The following KBTBD11 variants were observed in gnomAD, a reference collection of about 807,000 sequenced individuals.
The protein encoded by KBTBD11 is kelch repeat and BTB domain-containing protein 11.
For missense variants in KBTBD11, 1,390 were observed against 1,001.8 expected (o/e 1.39, Z -5.23); for synonymous variants, 747 against 499.0 (o/e 1.50, Z -6.63).
At chr8:1,988,201 T>A (rs1372549034) in intron 1 of KBTBD11, among the ~76,000 whole-genome samples, 1 of 152,232 alleles carries the variant, frequency 6.6e-6, no homozygotes, top group African/African-American at 2.4e-5. Context: ...TACGTGTGCA[T>A]GTGTCTTTAT....
intron 1 of KBTBD11, among the ~76,000 whole-genome samples, chr8:1,997,611 C>T (rs962768284): frequency 2.0e-5 from 3 of 152,210 alleles, no homozygotes; most frequent in East Asian, 1.9e-4. Context: ...GGAGGGCTCC[C>T]GAGCCCCTGA....
At chr8:1,975,872 A>T (rs150653570) in intron 1 of KBTBD11, 1 of 152,198 alleles carries the variant, frequency 6.6e-6, no homozygotes, top group Non-Finnish European at 1.5e-5. Context: ...ACCCGCTTCA[A>T]TGGGGTTTCC....
rs1438388784 is a variant in KBTBD11, at chr8:2,001,886, A to G, written c.694A>G (p.Ser232Gly). 3 of 1,389,738 alleles carry G rather than the reference A, an allele frequency of 2.2e-6. No individual in the cohort carries two copies. The highest frequency in any genetic ancestry group is 2.8e-6 in the Non-Finnish European group (3 of 1,061,456). 86.1% of individuals were successfully genotyped at this position (1,389,738 alleles called of 1,614,324 possible). A position where few individuals can be genotyped will look rare whatever the true frequency, so the allele number is the denominator to read the frequency against. The change falls in exon 2 of 2, where the codon AGC (serine) becomes GGC (glycine). Residue 232 changes from serine to glycine, a missense_variant. Coordinates refer to ENST00000320248, the MANE Select transcript of KBTBD11 (RefSeq NM_014867.3). Reference sequence around the variant, plus strand: ...CACCGACGCCGTGGGGCCGCAGCTGAGCCTGGCCAACTGCTACGAGGTCCT... The same window carrying G: ...CACCGACGCCGTGGGGCCGCAGCTGGGCCTGGCCAACTGCTACGAGGTCCT... Reference protein sequence around the residue: ...RATDAVGPQLSLANCYEVLSA... With the variant: ...RATDAVGPQLGLANCYEVLSA...
intron 1 of KBTBD11, 91 bp downstream of exon 1, chr8:1,974,026 A>T: frequency 1.2e-6 from 1 of 858,730 alleles, no homozygotes; most frequent in Non-Finnish European, 1.4e-6. Flanking sequence ...GGCGGGTGGG[A>T]GGTGGTCGGC....
rs1254921371 is a variant in KBTBD11, at chr8:1,973,700, G to T, written c.-1144G>T. 1 of 983,618 alleles carries T rather than the reference G, an allele frequency of 1.0e-6. No individual in the cohort carries two copies. The highest frequency in any genetic ancestry group is 1.8e-5 in the African/African-American group (1 of 57,080). The allele number at this position is 983,618 out of a possible 1,614,324, so 60.9% of individuals were successfully genotyped here. ...CCGCGCCCCGCGCGCGCCCCTCGCA[G>T]CCTGGAGCCGGAGCGCTGGCTCCGC... is the stretch of plus-strand genomic sequence containing the variant. On this transcript the variant is annotated 5_prime_UTR_variant, in exon 1 of 2. Coordinates refer to ENST00000320248, the MANE Select transcript of KBTBD11 (RefSeq NM_014867.3).
intron 1 of KBTBD11, among the ~76,000 whole-genome samples, chr8:1,994,265 C>T (rs1156817752): frequency 1.3e-5 from 2 of 151,394 alleles, no homozygotes; most frequent in African/African-American, 4.9e-5. Flanking sequence ...GGGCCTGCCC[C>T]AGGATCCCAG....
At chr8:1,976,465 C>T (rs576265272) in intron 1 of KBTBD11, 1 of 152,248 alleles carries the variant, frequency 6.6e-6, no homozygotes, top group South Asian at 2.1e-4. Context: ...TAAATGTTGT[C>T]TTGGAAATAG....
At chr8:1,974,519 G>C in intron 1 of KBTBD11, 1 of 985,088 alleles carries the variant, frequency 1.0e-6, no homozygotes, top group Non-Finnish European at 1.2e-6. Context: ...GGGGAGGGGA[G>C]CGCGGCCCTT....
chr8:1,985,190 C>T (rs899384540), intron 1 of KBTBD11, among the ~76,000 whole-genome samples: 1 of 152,214 alleles, frequency 6.6e-6, no homozygotes, highest in Non-Finnish European at 1.5e-5. Context: ...GGTGACCCGG[C>T]AGGAGAAGGC....
rs1232565131 is a variant in KBTBD11 at position 2,006,083 on chromosome 8, T to C, written c.*3019T>C. 1.2e-5 allele frequency: 2 copies of C among 167,084 alleles called. No individual in the cohort carries two copies. Among genetic ancestry groups the C allele is most frequent in the Non-Finnish European group, 1.5e-5 (1 of 68,108 alleles). 10.4% of individuals were successfully genotyped at this position (167,084 alleles called of 1,614,324 possible). On this transcript the variant is annotated 3_prime_UTR_variant, in exon 2 of 2. Transcript: ENST00000320248. ...GGCACCGACTTCTGCTGTAAGAAAA[T>C]GAATGTTGTGGAAATTCTTTGGCTA...
chr8:1,987,007 CAAAAAAAAAAAAAAA>C (rs59934216), intron 1 of KBTBD11, among the ~76,000 whole-genome samples: 2 of 62,020 alleles, frequency 3.2e-5, no homozygotes, highest in Non-Finnish European at 2.6e-5. Context: ...CCTATCTCTC[CAAAAAAAAAAAAAAA>C]AAAAAAAAAA....
chr8:1,974,844 A>G, intron 1 of KBTBD11: 2 of 317,076 alleles, frequency 6.3e-6, no homozygotes, highest in South Asian at 2.5e-4. Context: ...AGGAAAAGAA[A>G]AGGAACAAAT....
At chr8:1,986,905 C>T (rs573834888) in intron 1 of KBTBD11, among the ~76,000 whole-genome samples, 5 of 151,226 alleles carry the variant, frequency 3.3e-5, no homozygotes, top group Middle Eastern at 3.4e-3. Flanking sequence ...AGGCGTGGTG[C>T]CTCACTCCTG....
chr8:1,977,516 G>T (rs567956738), intron 1 of KBTBD11, among the ~76,000 whole-genome samples: 60 of 152,038 alleles, frequency 3.9e-4, no homozygotes, highest in African/African-American at 1.4e-3. Flanking sequence ...TCAGAACAAT[G>T]ATTTTTATTA....
rs1817415258 is a variant in KBTBD11, at chr8:2,002,402, C to G, written c.1210C>G (p.Gln404Glu). 2 of 1,482,492 alleles carry G rather than the reference C, an allele frequency of 1.3e-6. No homozygotes were observed. The highest frequency in any genetic ancestry group is 5.8e-5 in the East Asian group (2 of 34,340). 91.8% of individuals were successfully genotyped at this position (1,482,492 alleles called of 1,614,324 possible). Reference sequence around the variant, plus strand: ...GAGGCCCCTGCGCCAGGCGCGCTCGCAGCTGCGGCTGCTGGCCCTGGACGG... The same window carrying G: ...GAGGCCCCTGCGCCAGGCGCGCTCGGAGCTGCGGCTGCTGGCCCTGGACGG... Reference protein sequence around the residue: ...AVRPLRQARSQLRLLALDGHL... With the variant: ...AVRPLRQARSELRLLALDGHL... The change falls in exon 2 of 2, where the codon CAG (glutamine) becomes GAG (glutamate). Residue 404 changes from glutamine (Q) to glutamate (E), a missense_variant. By Grantham distance (29) the Gln-to-Glu change is conservative. Coordinates refer to ENST00000320248, the MANE Select transcript of KBTBD11 (RefSeq NM_014867.3). This position sits in a 1 kb window ranked among gnomAD's most constrained non-coding sequence, Gnocchi z 4.1.
rs1817328232 is a variant in KBTBD11, at chr8:2,001,140, C to T, written c.-53C>T. The T allele has an allele frequency of 7.7e-7, 1 of 1,294,358 alleles. No homozygotes were observed. Among genetic ancestry groups the T allele is most frequent in the Non-Finnish European group, 9.8e-7 (1 of 1,022,122 alleles). The allele number at this position is 1,294,358 out of a possible 1,614,324, so 80.2% of individuals were successfully genotyped here. A position where few individuals can be genotyped will look rare whatever the true frequency, so the allele number is the denominator to read the frequency against. On this transcript the variant is annotated 5_prime_UTR_variant, in exon 2 of 2. Transcript: ENST00000320248. ...GGAGTAAGGCTCGACCTTGGCCAGA[C>T]CTGCAGGCTGCGGAACCGGGGGCGC...
chr8:2,005,119 G>A lies in KBTBD11; in HGVS notation c.*2055G>A, dbSNP rs1467319363. 6.0e-6 allele frequency: 1 copy of A among 167,066 alleles called. No individual in the cohort carries two copies. The highest frequency in any genetic ancestry group is 1.5e-5 in the Non-Finnish European group (1 of 68,116). The allele number at this position is 167,066 out of a possible 1,614,324, so 10.3% of individuals were successfully genotyped here. ...AAGTGGTGGATGTTGGATGGGGGTGGTTGCACAGTCCTGTGCGGTTCCCAT... is the reference window on the plus strand; with the variant it reads ...AAGTGGTGGATGTTGGATGGGGGTGATTGCACAGTCCTGTGCGGTTCCCAT... On this transcript the variant is annotated 3_prime_UTR_variant, in exon 2 of 2. Transcript: ENST00000320248.
chr8:1,981,792 C>A (rs1447712973), intron 1 of KBTBD11, among the ~76,000 whole-genome samples: 1 of 152,232 alleles, frequency 6.6e-6, no homozygotes, highest in Non-Finnish European at 1.5e-5. Context: ...CTGGGACTTG[C>A]ATCAGTGGTC....
At chr8:1,992,863 C>T (rs376812043) in intron 1 of KBTBD11, among the ~76,000 whole-genome samples, 1 of 151,736 alleles carries the variant, frequency 6.6e-6, no homozygotes, top group Non-Finnish European at 1.5e-5. Context: ...TTTGTGAGCC[C>T]CTACTTGGAG....
Sources: gnomAD v4.1 joint callset for allele counts (sites outside exome capture counted in the v4.1 genomes callset) on GRCh38, gnomAD v4.1.1 for gene constraint, Gnocchi (gnomAD v3.1) non-coding constraint, MANE v1.5 for transcripts, NCBI Gene and HGNC (gene_info 2026-07-23, HGNC 2026-07-21) for gene names.